Variants in FBXL6 observed in about 807,000 individuals in gnomAD.
FBXL6 encodes the protein F-box/LRR-repeat protein 6.
A neutral mutation model predicts 53.3 loss-of-function variants in FBXL6; 50 were observed. The ratio of observed to expected loss-of-function variants is 0.94; its 90% confidence interval spans 0.75 to 1.19. The LOEUF is 1.19. Among genes scored for constraint, FBXL6 ranks in the 50% most tolerant of loss-of-function variants. FBXL6 has a pLI of 0.00. For missense variants in FBXL6, 815 were observed against 719.0 expected, an observed-to-expected ratio of 1.13 and a Z score of -1.53; for synonymous variants, 405 against 322.9, an observed-to-expected ratio of 1.25 and a Z score of -2.73.
intron 1 of FBXL6, 96 bp from the exon 2 acceptor site, chr8:144,357,882 G>A (rs1338819159): frequency 2.1e-6 from 3 of 1,438,036 alleles, no homozygotes; most frequent in Non-Finnish European, 1.8e-6. Flanking sequence ...CGGGCTCCTG[G>A]GACTCCAACT....
At position 144,356,365 on chromosome 8, in the gene FBXL6, C is replaced by G. The variant is rs781994383; in HGVS notation, c.1160G>C (p.Arg387Pro). 5.6e-6 allele frequency: 9 copies of G among 1,605,580 alleles called. No homozygotes were observed. Among genetic ancestry groups the G allele is most frequent in the South Asian group, 4.4e-5 (4 of 91,062 alleles). ...GRLLHGSPNL[R>P]LLDLRGCARI... Reference sequence around the variant, plus strand: ...CGCACAGCCACGAAGATCCAGTAAGCGCAGGTTGGGAGAGCCGTGGAGTAG... The same window carrying G: ...CGCACAGCCACGAAGATCCAGTAAGGGCAGGTTGGGAGAGCCGTGGAGTAG... Residue 387 changes from arginine (R) to proline (P), a missense_variant, in exon 7 of 9, where the codon CGC becomes CCC. Arg to Pro is a moderately radical substitution (Grantham distance 103). Transcript: ENST00000331890.
intron 1 of FBXL6, 97 bp from the exon 2 acceptor site, chr8:144,357,883 G>A: frequency 2.8e-6 from 4 of 1,438,116 alleles, no homozygotes; most frequent in Non-Finnish European, 3.6e-6. Flanking sequence ...GGGCTCCTGG[G>A]ACTCCAACTG....
intron 1 of FBXL6, 119 bp downstream of exon 1, chr8:144,357,913 T>A: frequency 6.9e-7 from 1 of 1,446,128 alleles, no homozygotes; most frequent in Non-Finnish European, 9.0e-7. Context: ...GGGGCTGCGC[T>A]CTCGGACTGA....
At chr8:144,355,724 G>A (rs781908803) in intron 8 of FBXL6, 46 bp from the exon 9 acceptor site, 2 of 1,601,936 alleles carry the variant, frequency 1.2e-6, no homozygotes, top group Non-Finnish European at 8.5e-7. Context: ...TGCCTCAGAA[G>A]GGCTGGGCCA....
rs1818522734 is a variant in FBXL6, at chr8:144,357,671, C to T, written c.532G>A (p.Glu178Lys). The change falls in exon 2 of 9, where the codon GAG becomes AAG. Residue 178 changes from glutamate to lysine, a missense_variant. Coordinates refer to ENST00000331890, the MANE Select transcript of FBXL6 (RefSeq NM_012162.4). ...GRPAKGGVKA[E>K]KKLLASLEWL... ...TCCAGGGAAGCAAGGAGCTTCTTCT[C>T]CGCCTTGACCCCGCCCTTGGCAGGC... is the stretch of plus-strand genomic sequence containing the variant. The T allele has an allele frequency of 1.2e-6, 2 of 1,610,930 alleles. No individual in the cohort carries two copies. Among genetic ancestry groups the T allele is most frequent in the Non-Finnish European group, 1.7e-6 (2 of 1,178,754 alleles).
intron 1 of FBXL6, 105 bp downstream of exon 1, chr8:144,357,927 G>A: frequency 1.4e-6 from 2 of 1,450,478 alleles, no homozygotes; most frequent in Non-Finnish European, 9.0e-7. Flanking sequence ...GGACTGAGCG[G>A]TGCGCGCTCC....
At position 144,356,520 on chromosome 8, in the gene FBXL6, C is replaced by A. The variant is rs200585055; in HGVS notation, c.1005G>T (p.Leu335=). 1.4e-4 allele frequency: 222 copies of A among 1,612,826 alleles called. 1 individual carries two copies. The highest frequency in any genetic ancestry group is 1.8e-4 in the Non-Finnish European group (217 of 1,179,986). ...GCTTGGGCAGCCACATCAGGTTCAA[C>A]AGCCGCAGCACCTGGGGGCAAGGTC... The part of the protein sequence containing the change: ...KGCPQLQVLR[L]LNLMWLPKPP... Residue 335 remains leucine (L), a synonymous_variant, in exon 7 of 9, where the codon CTG becomes CTT. Coordinates refer to ENST00000331890, the MANE Select transcript of FBXL6 (RefSeq NM_012162.4).
intron 1 of FBXL6, 23 bp from the exon 2 acceptor site, chr8:144,357,809 G>A (rs782075287): frequency 2.3e-5 from 35 of 1,501,676 alleles, no homozygotes; most frequent in Middle Eastern, 3.8e-4. Flanking sequence ...CGTGCTGAGG[G>A]TGCCGGCCCC....
intron 2 of FBXL6, 46 bp from the exon 3 acceptor site, chr8:144,357,548 G>A: frequency 6.2e-7 from 1 of 1,612,548 alleles, no homozygotes; most frequent in Non-Finnish European, 8.5e-7. Context: ...TCCCACACGA[G>A]TCCTTCCCAC....
At chr8:144,357,858 C>A (rs1818538319) in intron 1 of FBXL6, 72 bp from the exon 2 acceptor site, 10 of 1,443,702 alleles carry the variant, frequency 6.9e-6, no homozygotes, top group Non-Finnish European at 9.1e-6. Flanking sequence ...GCAGTAGACA[C>A]CCCGGCTCAA....
chr8:144,357,570 G>A, intron 2 of FBXL6, 58 bp downstream of exon 2: 2 of 1,609,898 alleles, frequency 1.2e-6, no homozygotes, highest in African/African-American at 1.3e-5. Flanking sequence ...CAACACCTTG[G>A]TGCAGGGAGA....
rs781905545 is a variant in FBXL6 at position 144,356,204 on chromosome 8, C to G, written c.1236G>C (p.Gln412His). 3.0e-6 allele frequency: 4 copies of G among 1,328,562 alleles called. No individual in the cohort carries two copies. Among genetic ancestry groups the G allele is most frequent in the Non-Finnish European group, 3.9e-6 (4 of 1,029,652 alleles). 82.3% of individuals were successfully genotyped at this position (1,328,562 alleles called of 1,614,324 possible). A position where few individuals can be genotyped will look rare whatever the true frequency, so the allele number is the denominator to read the frequency against. Residue 412 changes from glutamine (Q) to histidine (H), a missense_variant, in exon 8 of 9, where the codon CAG becomes CAC. By Grantham distance (24) the Gln-to-His change is conservative (BLOSUM62 0). Transcript: ENST00000331890. ...LQDLPCRELEQLHLGLYGTSD... is the reference protein window; with the variant it reads ...LQDLPCRELEHLHLGLYGTSD... ...ACGTGCCATACAGGCCCAGATGAAG[C>G]TGCTCCAGCTCTGCAGTGAAAGGAG...
In FBXL6 at chr8:144,357,702, G is replaced by C; in HGVS notation, c.501C>G (p.Val167=). The change falls in exon 2 of 9, where the codon GTC becomes GTG. Residue 167 remains valine (V), a synonymous_variant. Transcript: ENST00000331890. ...TGACCCCGCCCTTGGCAGGCCGGCC[G>C]ACCAGCGGGGACGACAGGGTCACGG... ...WHTVTLSSPL[V]GRPAKGGVKA... The C allele has an allele frequency of 2.5e-6, 4 of 1,609,816 alleles. No individual in the cohort carries two copies. The South Asian group carries it at 4.4e-5, about 18-fold the overall frequency.
Position 144,356,927 on chromosome 8 carries a change from A to T in FBXL6, c.772-12T>A. ...GCTGTGGACTCCACCTGGGGCCCCA[A>T]TACAAGAGCACCCGTCACCCCGGCC... On this transcript the variant is annotated splice_polypyrimidine_tract_variant and intron_variant, in intron 4 of 8. Transcript: ENST00000331890. 1 of 1,613,190 alleles carries T rather than the reference A, an allele frequency of 6.2e-7. No homozygotes were observed. The highest frequency in any genetic ancestry group is 8.5e-7 in the Non-Finnish European group (1 of 1,179,992).
At chr8:144,355,876 G>A (rs530231917) in intron 8 of FBXL6, 92 bp downstream of exon 8, 5 of 1,572,804 alleles carry the variant, frequency 3.2e-6, no homozygotes, top group African/African-American at 1.3e-5. Flanking sequence ...GACCCCTGGA[G>A]GTCTCAGGCC....
chr8:144,357,057 G>A lies in FBXL6; in HGVS notation c.704C>T (p.Ala235Val), dbSNP rs1818484558. The A allele has an allele frequency of 5.0e-6, 8 of 1,612,988 alleles. No homozygotes were observed. The East Asian group carries it at 1.8e-4, about 36-fold the overall frequency. The change falls in exon 4 of 9, where the codon GCT becomes GTT. Residue 235 changes from alanine (A) to valine (V), a missense_variant. Physicochemically the swap from Ala to Val is moderately conservative, Grantham distance 64. Coordinates refer to ENST00000331890, the MANE Select transcript of FBXL6 (RefSeq NM_012162.4). Reference protein sequence around the residue: ...LKLSGCHGVTADALVMLAKAC... With the variant: ...LKLSGCHGVTVDALVMLAKAC... ...TTTGGCTAGCATGACCAGAGCGTCA[G>A]CAGTCACACCGTGGCAGCCGGAGAG...
Position 144,357,781 on chromosome 8 carries a change from G to C in FBXL6, c.422C>G (p.Ala141Gly), listed in dbSNP as rs1554853260. ...DGPMPFLGRA[A>G]RVCRRWQEAA... ...CTCCTGCCAGCGGCGGCACACGCGC[G>C]CAGCCCTGGGAGGACAGCGTGCTGA... The change falls in exon 2 of 9, where the codon GCG (alanine) becomes GGG (glycine). Residue 141 changes from alanine to glycine, a missense_variant. Physicochemically the swap from Ala to Gly is moderately conservative, Grantham distance 60. Coordinates refer to ENST00000331890, the MANE Select transcript of FBXL6 (RefSeq NM_012162.4). 1 of 1,568,816 alleles carries C rather than the reference G, an allele frequency of 6.4e-7. No individual in the cohort carries two copies. Among genetic ancestry groups the C allele is most frequent in the Admixed American group, 1.8e-5 (1 of 55,090 alleles).
rs771741825 is a variant in FBXL6, at chr8:144,356,164, G to A, written c.1276C>T (p.Leu426=). 8 of 1,612,762 alleles carry A rather than the reference G, an allele frequency of 5.0e-6. No homozygotes were observed. The South Asian group carries it at 8.8e-5, about 18-fold the overall frequency. The part of the protein sequence containing the change: ...GLYGTSDRLT[L]AKEGSPFLTQ... ...AAAAAGGGGCTGCCCTCCTTGGCTAGAGTCAGCCGGTCTGACGTGCCATAC... is the reference window on the plus strand; with the variant it reads ...AAAAAGGGGCTGCCCTCCTTGGCTAAAGTCAGCCGGTCTGACGTGCCATAC... The change falls in exon 8 of 9, where the codon CTA becomes TTA. Residue 426 remains leucine, a synonymous_variant. Transcript: ENST00000331890.
In FBXL6 at chr8:144,357,713, A is replaced by C. The variant is rs1196773917; in HGVS notation, c.490T>G (p.Ser164Ala). ...PALWHTVTLS[S>A]PLVGRPAKGG... ...TTGGCAGGCCGGCCGACCAGCGGGG[A>C]CGACAGGGTCACGGTGTGCCAGAGC... Residue 164 changes from serine (S) to alanine (A), a missense_variant, in exon 2 of 9, where the codon TCC (serine) becomes GCC (alanine). By Grantham distance (99) the Ser-to-Ala change is moderately conservative. Transcript: ENST00000331890. The C allele has an allele frequency of 7.5e-6, 12 of 1,609,362 alleles. No individual in the cohort carries two copies. The highest frequency in any genetic ancestry group is 1.0e-5 in the Non-Finnish European group (12 of 1,178,592).
Sources: gnomAD v4.1 joint callset for allele counts on GRCh38, gnomAD v4.1.1 for gene constraint, MANE v1.5 for transcripts, NCBI Gene and HGNC (gene_info 2026-07-23, HGNC 2026-07-21) for gene names.